NEK1: variants seen among roughly 807,000 people sequenced by gnomAD.
The protein encoded by NEK1 is NIMA related kinase 1, also known as serine/threonine-protein kinase Nek1.
A neutral mutation model predicts 182.1 loss-of-function variants in NEK1; 137 were observed. That is an observed-to-expected ratio of 0.75 (90% CI 0.65 to 0.87). The LOEUF (loss-of-function observed/expected upper bound fraction) is 0.87, where lower values mean the gene tolerates loss of function less well. Ranked by LOEUF, NEK1 falls within the 40% of genes least tolerant of loss-of-function variation. NEK1 has a pLI of 0.00. For missense variants in NEK1, 1,391 were observed against 1,494.4 expected, an observed-to-expected ratio of 0.93 and a Z score of 1.14; for synonymous variants, 513 against 492.2, an observed-to-expected ratio of 1.04 and a Z score of -0.56.
chr4:169,552,525 T>G lies in NEK1; in HGVS notation c.1562+3195A>C, dbSNP rs146696645. 4.6e-5 allele frequency among the ~76,000 whole-genome samples: 7 copies of G among 152,128 alleles called. No homozygotes were observed. In the East Asian group the frequency reaches 7.7e-4, roughly 17 times the overall value. On this transcript the variant is annotated intron_variant, in intron 18 of 35. Transcript: ENST00000507142. ...GAAACTTGAAGCTTTCCGGCCAACA[T>G]CAGGAACAAGACAAAGATGTCCTTC...
chr4:169,483,788 C>G (rs1055563007), intron 23 of NEK1, among the ~76,000 whole-genome samples: 1 of 151,326 alleles, frequency 6.6e-6, no homozygotes, highest in Non-Finnish European at 1.5e-5. Flanking sequence ...ATCACTTGAA[C>G]CCGTGAGGCA....
rs74910265 is a variant in NEK1 at position 169,395,064 on chromosome 4, C to T, written c.3848-541G>A. 8.0e-3 allele frequency among the ~76,000 whole-genome samples: 1,210 copies of T among 152,196 alleles called. 18 individuals are homozygous for T. The highest frequency in any genetic ancestry group is 0.028 in the African/African-American group (1,159 of 41,536). ...AGAGTATTCTGTTTAATGGATATGACATAACTAACCATTACTATTTATAGA... is the reference window on the plus strand; with the variant it reads ...AGAGTATTCTGTTTAATGGATATGATATAACTAACCATTACTATTTATAGA... On this transcript the variant is annotated intron_variant, in intron 35 of 35. Transcript: ENST00000507142.
chr4:169,467,679 A>G (rs2149515861), intron 26 of NEK1, among the ~76,000 whole-genome samples: 1 of 152,264 alleles, frequency 6.6e-6, no homozygotes, highest in African/African-American at 2.4e-5. Flanking sequence ...CCCATTGTAA[A>G]TTGAGGAGCA....
At chr4:169,469,650 C>G (rs1745558994) in intron 26 of NEK1, among the ~76,000 whole-genome samples, 1 of 152,122 alleles carries the variant, frequency 6.6e-6, no homozygotes, top group Non-Finnish European at 1.5e-5. Flanking sequence ...TGGTGCAGAG[C>G]TGAGTTCAAG....
Position 169,402,797 on chromosome 4 carries a change from A to C in NEK1, c.3375-937T>G, listed in dbSNP as rs151219974. On this transcript the variant is annotated intron_variant, in intron 32 of 35. Coordinates refer to ENST00000507142, the MANE Select transcript of NEK1 (RefSeq NM_001199397.3). ...AAATCTAGTCTTTGACCACTTCTGT[A>C]ATATCTGAGAAACATACTCAGAAAA... Among the ~76,000 whole-genome samples the C allele has an allele frequency of 7.9e-5, 12 of 152,288 alleles. No homozygotes were observed. In the East Asian group the frequency reaches 2.3e-3, roughly 29 times the overall value.
At chr4:169,565,265 AC>A (rs1424039873) in intron 12 of NEK1, among the ~76,000 whole-genome samples, 2 of 152,088 alleles carry the variant, frequency 1.3e-5, no homozygotes, top group African/African-American at 4.8e-5. Flanking sequence ...ATACATACAC[AC>A]CCCTAAGTTT....
At chr4:169,590,558 G>A (rs977379103) in intron 6 of NEK1, among the ~76,000 whole-genome samples, 168 bp downstream of exon 6, 4 of 151,942 alleles carry the variant, frequency 2.6e-5, no homozygotes, top group African/African-American at 9.7e-5. Context: ...TAGAGTATGG[G>A]AAGCAAGCAG....
chr4:169,570,920 A>G (rs965989525), intron 12 of NEK1, among the ~76,000 whole-genome samples: 1 of 152,170 alleles, frequency 6.6e-6, no homozygotes, highest in East Asian at 1.9e-4. Context: ...GTGTCCACTC[A>G]GGGTTAAATG....
At chr4:169,564,292 T>G (rs1172436144) in intron 12 of NEK1, among the ~76,000 whole-genome samples, 5 of 152,088 alleles carry the variant, frequency 3.3e-5, no homozygotes, top group Non-Finnish European at 7.4e-5. Flanking sequence ...AGACATTACT[T>G]AAAAAAATTA....
At chr4:169,438,345 G>T in intron 27 of NEK1, 86 bp from the exon 28 acceptor site, 1 of 1,003,406 alleles carries the variant, frequency 1.0e-6, no homozygotes, top group Non-Finnish European at 1.4e-6. Flanking sequence ...AGTTCAAAAA[G>T]CTGCATTACT....
At chr4:169,411,740 A>G (rs1282761046) in intron 31 of NEK1, among the ~76,000 whole-genome samples, 1 of 152,234 alleles carries the variant, frequency 6.6e-6, no homozygotes, top group Non-Finnish European at 1.5e-5. Flanking sequence ...AAATCTTGAA[A>G]ATGTTACTAT....
intron 5 of NEK1, among the ~76,000 whole-genome samples, chr4:169,596,021 G>A (rs780208526): frequency 5.3e-5 from 8 of 151,584 alleles, no homozygotes; most frequent in Non-Finnish European, 1.0e-4. Flanking sequence ...GGGTCCCTGC[G>A]TCGTAAATGG....
chr4:169,570,306 G>A (rs1391084962), intron 12 of NEK1, among the ~76,000 whole-genome samples: 3 of 151,050 alleles, frequency 2.0e-5, no homozygotes, highest in African/African-American at 4.9e-5. Flanking sequence ...CAGCCACCCC[G>A]TCTGGGAAGT....
At chr4:169,490,049 C>T (rs966635050) in intron 23 of NEK1, among the ~76,000 whole-genome samples, 3 of 152,128 alleles carry the variant, frequency 2.0e-5, no homozygotes, top group Admixed American at 6.5e-5. Flanking sequence ...AGTCTCCCCA[C>T]GGTACGATAA....
chr4:169,446,212 A>G (rs1416413129), intron 27 of NEK1, among the ~76,000 whole-genome samples: 1 of 152,134 alleles, frequency 6.6e-6, no homozygotes, highest in Non-Finnish European at 1.5e-5. Context: ...GCAGAACAAA[A>G]TCAAACAGAC....
intron 31 of NEK1, among the ~76,000 whole-genome samples, chr4:169,420,445 A>C (rs1001297619): frequency 3.9e-5 from 6 of 152,366 alleles, no homozygotes; most frequent in Middle Eastern, 3.4e-3. Flanking sequence ...TGTATGTCCT[A>C]AACTTTTATA....
intron 23 of NEK1, among the ~76,000 whole-genome samples, chr4:169,496,242 C>T (rs1341546341): frequency 2.6e-4 from 40 of 151,236 alleles, no homozygotes; most frequent in Middle Eastern, 3.4e-3. Context: ...GTGATTTTTG[C>T]ACATTGATTT....
intron 23 of NEK1, among the ~76,000 whole-genome samples, chr4:169,498,417 A>G (rs1234199602): frequency 1.3e-5 from 2 of 152,134 alleles, no homozygotes; most frequent in Admixed American, 1.3e-4. Context: ...TAAGGTTAAT[A>G]TTGTTATGTG....
intron 12 of NEK1, among the ~76,000 whole-genome samples, chr4:169,576,305 T>C (rs1765682356): frequency 6.6e-6 from 1 of 152,174 alleles, no homozygotes; most frequent in Admixed American, 6.5e-5. Context: ...ATTCCTACTA[T>C]ATAAAGTTTA....
Sources: gnomAD v4.1 joint callset for allele counts (sites outside exome capture counted in the v4.1 genomes callset) on GRCh38, gnomAD v4.1.1 for gene constraint, MANE v1.5 for transcripts, NCBI Gene and HGNC (gene_info 2026-07-23, HGNC 2026-07-21) for gene names.